Variants in GPC6 observed in about 807,000 individuals in gnomAD.
GPC6 encodes the protein glypican-6.
A neutral mutation model predicts 55.2 loss-of-function variants in GPC6; 14 were observed. That is an observed-to-expected ratio of 0.25 (90% confidence interval 0.17 to 0.40). The LOEUF (loss-of-function observed/expected upper bound fraction) is 0.40. Ranked by LOEUF, GPC6 falls within the 10% of genes least tolerant of loss-of-function variation. The probability of loss-of-function intolerance (pLI) is 1.00; values close to 1 mark genes in which losing one functional copy is unlikely to be tolerated. For missense variants in GPC6, 641 were observed against 708.5 expected (o/e 0.90, Z 1.08); for synonymous variants, 278 against 259.6 (o/e 1.07, Z -0.68).
chr13:93,518,784 G>A (rs578170110), intron 1 of GPC6, among the ~76,000 whole-genome samples: 1 of 152,048 alleles, frequency 6.6e-6, no homozygotes, highest in Non-Finnish European at 1.5e-5. Context: ...AAAGCACTTT[G>A]TTTCCCAAGT....
chr13:93,545,505 A>T (rs1874740575), intron 2 of GPC6, 84 bp downstream of exon 2: 8 of 1,173,498 alleles, frequency 6.8e-6, no homozygotes, highest in South Asian at 1.2e-5. Flanking sequence ...ATATTTTTTT[A>T]AAAAGGGAGC....
chr13:93,223,633 G>T (rs967564388), upstream of GPC6, among the ~76,000 whole-genome samples: 2 of 152,012 alleles, frequency 1.3e-5, no homozygotes, highest in East Asian at 3.9e-4. Context: ...TAGTAGAGAA[G>T]GGGTTTCGCC....
chr13:93,489,468 T>C (rs866079410), intron 1 of GPC6, among the ~76,000 whole-genome samples: 14 of 151,304 alleles, frequency 9.3e-5, no homozygotes, highest in South Asian at 2.1e-4. Context: ...TTTTTTGGTT[T>C]CATATGAACT....
chr13:94,282,258 A>G (rs1892405392), intron 4 of GPC6, among the ~76,000 whole-genome samples: 1 of 152,186 alleles, frequency 6.6e-6, no homozygotes, highest in Non-Finnish European at 1.5e-5. Flanking sequence ...GGGGAAATGC[A>G]GAATCATTTC....
intron 2 of GPC6, among the ~76,000 whole-genome samples, chr13:93,601,311 A>C (rs1477924059): frequency 1.3e-5 from 2 of 152,050 alleles, no homozygotes; most frequent in Admixed American, 6.6e-5. Context: ...TTGAATGAGG[A>C]GGTGGAGGTT....
At chr13:93,782,178 G>T (rs1885672924) in intron 2 of GPC6, among the ~76,000 whole-genome samples, 1 of 152,048 alleles carries the variant, frequency 6.6e-6, no homozygotes, top group Non-Finnish European at 1.5e-5. Context: ...GAGATCACGT[G>T]ATTTTTATCA....
At chr13:93,283,500 A>G (rs1241696464) in intron 1 of GPC6, among the ~76,000 whole-genome samples, 3 of 152,212 alleles carry the variant, frequency 2.0e-5, no homozygotes, top group Non-Finnish European at 2.9e-5. Context: ...AATGACCAAC[A>G]GATCTAAACT....
intron 3 of GPC6, among the ~76,000 whole-genome samples, chr13:93,975,644 G>A (rs753694712): frequency 6.6e-6 from 1 of 152,050 alleles, no homozygotes; most frequent in Non-Finnish European, 1.5e-5. Context: ...GACCCAATGC[G>A]GTTTTTGTTC....
In GPC6 at chr13:93,960,114, A is replaced by G. The variant is rs550499746; in HGVS notation, c.712-67615A>G. Among the ~76,000 whole-genome samples, 382 of 152,320 alleles carry G rather than the reference A, an allele frequency of 2.5e-3. 2 individuals carry two copies. The highest frequency in any genetic ancestry group is 8.3e-3 in the African/African-American group (347 of 41,570). ...TTACTGATCTCTTCAACTTCGAGCA[A>G]CACGTCCTTCTTGCTGGTATTTCCT... is the stretch of plus-strand genomic sequence containing the variant. On this transcript the variant is annotated intron_variant, in intron 3 of 8. Transcript: ENST00000377047.
intron 3 of GPC6, among the ~76,000 whole-genome samples, chr13:93,944,866 A>G (rs530650070): frequency 0.031 from 4,747 of 152,168 alleles, 80 homozygotes; most frequent in Middle Eastern, 0.058. Context: ...CCTCAAAGTT[A>G]TCATCGATGG....
intron 1 of GPC6, among the ~76,000 whole-genome samples, chr13:93,276,212 A>T (rs1236555110): frequency 6.6e-6 from 1 of 152,032 alleles, no homozygotes; most frequent in African/African-American, 2.4e-5. Context: ...ACCAGGGTAA[A>T]ACCATTTACC....
intron 6 of GPC6, among the ~76,000 whole-genome samples, chr13:94,377,912 T>G (rs544082710): frequency 1.3e-5 from 2 of 152,246 alleles, no homozygotes; most frequent in East Asian, 3.9e-4. Flanking sequence ...TGGATGAAAC[T>G]GGAAATCATC....
intron 3 of GPC6, among the ~76,000 whole-genome samples, chr13:93,944,527 A>G (rs1878905170): frequency 6.6e-6 from 1 of 152,156 alleles, no homozygotes. Flanking sequence ...CACCTCGATA[A>G]TTTGAAGAAA....
At chr13:93,623,010 A>G (rs1317060614) in intron 2 of GPC6, among the ~76,000 whole-genome samples, 1 of 152,142 alleles carries the variant, frequency 6.6e-6, no homozygotes, top group Non-Finnish European at 1.5e-5. Flanking sequence ...ATCATGTAGT[A>G]TTTGTCTTTC....
At chr13:93,464,830 A>G (rs1056499980) in intron 1 of GPC6, among the ~76,000 whole-genome samples, 6 of 152,206 alleles carry the variant, frequency 3.9e-5, no homozygotes, top group Admixed American at 1.3e-4. Flanking sequence ...AGGAATCACT[A>G]TCTATGGAAG....
chr13:94,365,516 A>G (rs908109078), intron 6 of GPC6, among the ~76,000 whole-genome samples: 12 of 152,230 alleles, frequency 7.9e-5, no homozygotes, highest in African/African-American at 2.7e-4. Flanking sequence ...TACATAGTTA[A>G]GTACAAATCA....
At chr13:93,579,428 AAAG>A (rs1451007453) in intron 2 of GPC6, among the ~76,000 whole-genome samples, 5 of 152,034 alleles carry the variant, frequency 3.3e-5, no homozygotes, top group African/African-American at 7.2e-5. Context: ...TAATATAGGA[AAAG>A]AAGAAGAAGG....
intron 1 of GPC6, among the ~76,000 whole-genome samples, chr13:93,443,873 C>T (rs899279325): frequency 2.2e-5 from 3 of 135,584 alleles, no homozygotes; most frequent in Admixed American, 1.4e-4. Context: ...AAGGAAGATA[C>T]TTTATGACAT....
chr13:94,226,972 C>T (rs958273797), intron 4 of GPC6, among the ~76,000 whole-genome samples: 2 of 152,144 alleles, frequency 1.3e-5, no homozygotes, highest in African/African-American at 4.8e-5. Context: ...CTTTACAAGC[C>T]ACTGATTGTT....
Sources: allele counts gnomAD v4.1 joint callset (sites outside exome capture counted in the v4.1 genomes callset), GRCh38; gene constraint gnomAD v4.1.1; transcripts MANE v1.5; gene names NCBI Gene and HGNC (gene_info 2026-07-23, HGNC 2026-07-21).